HEG1: variants seen among roughly 807,000 people sequenced by gnomAD.
The protein encoded by HEG1 is protein HEG homolog 1.
Under a neutral mutation model 125.6 loss-of-function variants are expected in HEG1, and 56 were observed. That is an observed-to-expected ratio of 0.45 (90% CI 0.36 to 0.56). HEG1 has a LOEUF of 0.56. Ranked by LOEUF, HEG1 falls within the 20% of genes least tolerant of loss-of-function variation. The pLI is 0.00. For missense variants in HEG1, 1,523 were observed against 1,670.0 expected (o/e 0.91, Z 1.53); for synonymous variants, 644 against 668.5 (o/e 0.96, Z 0.57).
At chr3:124,980,999 C>T (rs766834173) in intron 14 of HEG1, among the ~76,000 whole-genome samples, 18 of 151,278 alleles carry the variant, frequency 1.2e-4, no homozygotes, top group Non-Finnish European at 2.2e-4. Context: ...GGACCACGGG[C>T]GCAACTAAGT....
intron 8 of HEG1, among the ~76,000 whole-genome samples, chr3:125,009,111 T>C (rs1937114007): frequency 6.6e-6 from 1 of 152,232 alleles, no homozygotes; most frequent in Non-Finnish European, 1.5e-5. Context: ...TCATCATGAA[T>C]CTATCAAATT....
intron 1 of HEG1, among the ~76,000 whole-genome samples, chr3:125,052,934 A>G (rs1937845871): frequency 6.6e-6 from 1 of 152,244 alleles, no homozygotes; most frequent in South Asian, 2.1e-4. Flanking sequence ...AGGGAAGAAA[A>G]GGACATCTGT....
At chr3:124,993,016 C>G (rs1010906861) in intron 12 of HEG1, among the ~76,000 whole-genome samples, 1 of 152,190 alleles carries the variant, frequency 6.6e-6, no homozygotes, top group East Asian at 1.9e-4. Context: ...AACCTCTTGA[C>G]GAGGATGCCC....
intron 1 of HEG1, among the ~76,000 whole-genome samples, chr3:125,052,289 C>G (rs372615628): frequency 3.9e-5 from 6 of 152,140 alleles, no homozygotes; most frequent in African/African-American, 1.2e-4. Context: ...GTCTCTTGCC[C>G]GCTGCACCTT....
In HEG1 at chr3:125,012,823, C is replaced by T; in HGVS notation, c.2756G>A (p.Ser919Asn). 6.2e-7 allele frequency: 1 copy of T among 1,614,010 alleles called. No homozygotes were observed. Among genetic ancestry groups the T allele is most frequent in the East Asian group, 2.2e-5 (1 of 44,880 alleles). Residue 919 changes from serine to asparagine, a missense_variant, in exon 6 of 17, where the codon AGT (serine) becomes AAT (asparagine). Physicochemically the swap from Ser to Asn is conservative, Grantham distance 46 (BLOSUM62 1). Coordinates refer to ENST00000311127, the MANE Select transcript of HEG1 (RefSeq NM_020733.2). The stretch of plus-strand genomic sequence containing the variant: ...CATTTCTTTTGCTGATGTGGGTACA[C>T]TGGTCAAAGGGATCAATCCAGTGGT... ...DATTGLIPLT[S>N]VPTSAKEMTT...
chr3:125,044,141 C>T (rs1217945282), intron 1 of HEG1, among the ~76,000 whole-genome samples: 2 of 152,162 alleles, frequency 1.3e-5, no homozygotes, highest in Non-Finnish European at 2.9e-5. Context: ...GGCTCTGAGG[C>T]CTGTGCTGGC....
At chr3:124,978,071 A>G (rs1199519336) in intron 14 of HEG1, 125 bp from the exon 15 acceptor site, 1 of 628,084 alleles carries the variant, frequency 1.6e-6, no homozygotes, top group Non-Finnish European at 2.8e-6. Flanking sequence ...CTCGCCTACA[A>G]CTTCCTACTC....
intron 1 of HEG1, among the ~76,000 whole-genome samples, chr3:125,043,938 G>A (rs1937624274): frequency 6.6e-6 from 1 of 152,234 alleles, no homozygotes; most frequent in African/African-American, 2.4e-5. Flanking sequence ...GTGCACACTG[G>A]GCAGCCCGGC....
Position 124,968,085 on chromosome 3 carries a change from T to C in HEG1, c.*2567A>G, listed in dbSNP as rs1334206495. The C allele has an allele frequency of 2.0e-5, 3 of 152,422 alleles. No individual in the cohort carries two copies. The allele number at this position is 152,422 out of a possible 1,614,324, so 9.4% of individuals were successfully genotyped here. A position where few individuals can be genotyped will look rare whatever the true frequency, so the allele number is the denominator to read the frequency against. On this transcript the variant is annotated 3_prime_UTR_variant, in exon 17 of 17. Coordinates refer to ENST00000311127, the MANE Select transcript of HEG1 (RefSeq NM_020733.2). Reference sequence around the variant, plus strand: ...CATCTGTGGGATATTGGTGCAGGATTGTGGCATCTGTGCACGTGAATCACA... The same window carrying C: ...CATCTGTGGGATATTGGTGCAGGATCGTGGCATCTGTGCACGTGAATCACA...
At chr3:125,031,731 G>GGCACACATACACACACATACACAT (rs1937505563) in intron 1 of HEG1, among the ~76,000 whole-genome samples, 1 of 146,832 alleles carries the variant, frequency 6.8e-6, no homozygotes, top group Admixed American at 6.8e-5. Context: ...TACACACACA[G>GGCACACATACACACACATACACAT]GCACACATAC....
At chr3:125,043,326 G>A (rs1937616016) in intron 1 of HEG1, among the ~76,000 whole-genome samples, 1 of 152,148 alleles carries the variant, frequency 6.6e-6, no homozygotes, top group African/African-American at 2.4e-5. Flanking sequence ...GTGGCCTCGG[G>A]CATGAAGGAG....
chr3:125,042,093 TA>T (rs1937598095), intron 1 of HEG1, among the ~76,000 whole-genome samples: 1 of 152,244 alleles, frequency 6.6e-6, no homozygotes, highest in South Asian at 2.1e-4. Flanking sequence ...GTTAAAATGG[TA>T]AATTTTATGT....
chr3:125,027,477 C>T lies in HEG1; in HGVS notation c.641G>A (p.Ser214Asn), dbSNP rs753943251. 3 of 1,611,324 alleles carry T rather than the reference C, an allele frequency of 1.9e-6. No individual in the cohort carries two copies. Among genetic ancestry groups the T allele is most frequent in the African/African-American group, 2.7e-5 (2 of 74,874 alleles). ...ASESLHLPSS[S>N]SEFDERIAAF... ...GGCAATTCTTTCATCGAACTCTGAA[C>T]TGCTGGATGGCAGGTGAAGACTTTC... Residue 214 changes from serine to asparagine, a missense_variant, in exon 3 of 17, where the codon AGT becomes AAT. Ser to Asn is a conservative substitution (Grantham distance 46). Transcript: ENST00000311127.
intron 14 of HEG1, among the ~76,000 whole-genome samples, chr3:124,987,577 C>CA (rs143665660): frequency 0.026 from 3,865 of 147,288 alleles, 162 homozygotes; most frequent in African/African-American, 0.091. Context: ...GGCCAGAGTG[C>CA]AATGGCGCTA....
Position 125,013,732 on chromosome 3 carries a change from C to G in HEG1, c.1847G>C (p.Gly616Ala). The change falls in exon 6 of 17, where the codon GGG becomes GCG. Residue 616 changes from glycine (G) to alanine (A), a missense_variant. By Grantham distance (60) the Gly-to-Ala change is moderately conservative. Transcript: ENST00000311127. The part of the protein sequence containing the change: ...TERSNISSYD[G>A]EYAQPSTESP... Reference sequence around the variant, plus strand: ...CTCAGTAGAAGGCTGAGCATATTCCCCGTCATAGGATGAGATGTTACTTCT... The same window carrying G: ...CTCAGTAGAAGGCTGAGCATATTCCGCGTCATAGGATGAGATGTTACTTCT... 6.2e-7 allele frequency: 1 copy of G among 1,613,926 alleles called. No homozygotes were observed. The highest frequency in any genetic ancestry group is 2.2e-5 in the East Asian group (1 of 44,884).
chr3:124,991,047 A>ACC (rs1936825367), intron 12 of HEG1, 61 bp from the exon 13 acceptor site: 2 of 1,312,058 alleles, frequency 1.5e-6, no homozygotes, highest in Non-Finnish European at 2.1e-6. Context: ...CTCCCAGTTA[A>ACC]TTAAACGCCA....
intron 1 of HEG1, among the ~76,000 whole-genome samples, chr3:125,035,866 T>C (rs555360494): frequency 4.6e-5 from 7 of 152,232 alleles, no homozygotes; most frequent in East Asian, 1.9e-4. Flanking sequence ...ATTAGAATCA[T>C]GTTGCATAGC....
intron 3 of HEG1, among the ~76,000 whole-genome samples, chr3:125,024,179 T>A (rs2948786): frequency 0.49 from 74,544 of 152,094 alleles, 18,715 homozygotes; most frequent in Middle Eastern, 0.64. Flanking sequence ...GAACATTAGC[T>A]CAATTTCCAC....
chr3:125,036,325 T>TA (rs60674092), intron 1 of HEG1, among the ~76,000 whole-genome samples: 80 of 145,464 alleles, frequency 5.5e-4, no homozygotes, highest in Middle Eastern at 3.5e-3. Flanking sequence ...AAACCAAAAT[T>TA]AAAAAAAAAA....
Sources: allele counts gnomAD v4.1 joint callset (sites outside exome capture counted in the v4.1 genomes callset), GRCh38; gene constraint gnomAD v4.1.1; transcripts MANE v1.5; gene names NCBI Gene and HGNC (gene_info 2026-07-23, HGNC 2026-07-21).